FSTL4: variants seen among roughly 807,000 people sequenced by gnomAD.
FSTL4 encodes follistatin-related protein 4.
Under a neutral mutation model 78.2 loss-of-function variants are expected in FSTL4, and 28 were observed. That is an observed-to-expected ratio of 0.36 (90% CI 0.27 to 0.49). The LOEUF (loss-of-function observed/expected upper bound fraction) is 0.49, where lower values mean the gene tolerates loss of function less well. FSTL4 is among the 20% of genes least tolerant of loss of function. FSTL4 has a pLI of 0.98. For synonymous variants in FSTL4, 422 were observed against 440.5 expected (o/e 0.96, Z 0.53); for missense variants, 922 against 1,084.9 (o/e 0.85, Z 2.11).
At chr5:133,300,590 T>A (rs773233023) in intron 6 of FSTL4, among the ~76,000 whole-genome samples, 80 of 152,240 alleles carry the variant, frequency 5.3e-4, no homozygotes, top group Non-Finnish European at 9.4e-4. Flanking sequence ...GTGTCAGCAA[T>A]TTACCGAGGG....
chr5:133,753,585 G>A, the FSTL4 span, among the ~76,000 whole-genome samples: 16 of 152,096 alleles, frequency 1.1e-4, no homozygotes, highest in Non-Finnish European at 2.2e-4. Flanking sequence ...CAGGGGACTG[G>A]ACACATGGTT....
intron 4 of FSTL4, among the ~76,000 whole-genome samples, chr5:133,368,036 T>C (rs1291276139): frequency 6.6e-6 from 1 of 152,276 alleles, no homozygotes; most frequent in East Asian, 1.9e-4. Context: ...AAAGATACCC[T>C]TGTCCAAGGG....
chr5:133,641,265 A>C, the FSTL4 span, among the ~76,000 whole-genome samples: 1 of 151,344 alleles, frequency 6.6e-6, no homozygotes, highest in South Asian at 2.1e-4. Flanking sequence ...CACACACACA[A>C]AAACAAAAAA....
intron 7 of FSTL4, among the ~76,000 whole-genome samples, chr5:133,241,266 C>A (rs1351965659): frequency 6.6e-6 from 1 of 152,202 alleles, no homozygotes; most frequent in Admixed American, 6.5e-5. Flanking sequence ...GTTTTTCCAG[C>A]AAATTGTTGA....
chr5:133,758,457 T>C, the FSTL4 span, among the ~76,000 whole-genome samples: 4 of 152,252 alleles, frequency 2.6e-5, no homozygotes, highest in Non-Finnish European at 5.9e-5. Flanking sequence ...CAAAAGAATA[T>C]TTCAATCTAT....
At chr5:133,359,022 C>T (rs1755009273) in intron 4 of FSTL4, among the ~76,000 whole-genome samples, 1 of 152,166 alleles carries the variant, frequency 6.6e-6, no homozygotes, top group African/African-American at 2.4e-5. Flanking sequence ...ACGGTGGGGT[C>T]TTTCTGTATA....
At chr5:133,643,345 A>G in the FSTL4 span, among the ~76,000 whole-genome samples, 750 of 152,284 alleles carry the variant, frequency 4.9e-3, 1 homozygote, top group Non-Finnish European at 7.4e-3. Flanking sequence ...CGCTGTTATA[A>G]TCATCAAAAA....
chr5:133,462,584 GACA>G (rs1757614347), intron 3 of FSTL4, among the ~76,000 whole-genome samples: 1 of 152,180 alleles, frequency 6.6e-6, no homozygotes, highest in African/African-American at 2.4e-5. Context: ...CCACTTCCAT[GACA>G]ACGATTGGTT....
the FSTL4 span, among the ~76,000 whole-genome samples, chr5:133,652,177 C>T: frequency 6.6e-6 from 1 of 151,754 alleles, no homozygotes; most frequent in African/African-American, 2.4e-5. Flanking sequence ...TTATCACTTT[C>T]ATTAGTTTTT....
the FSTL4 span, among the ~76,000 whole-genome samples, chr5:133,704,675 G>T: frequency 7.9e-5 from 12 of 152,222 alleles, no homozygotes; most frequent in Non-Finnish European, 1.5e-4. Context: ...TCCCCAGCCT[G>T]GGCATGATAA....
the FSTL4 span, among the ~76,000 whole-genome samples, chr5:133,618,086 C>T: frequency 6.6e-6 from 1 of 152,100 alleles, no homozygotes; most frequent in Non-Finnish European, 1.5e-5. Flanking sequence ...AGTACTGCAC[C>T]TGTATATACT....
the FSTL4 span, among the ~76,000 whole-genome samples, chr5:133,838,196 T>A: frequency 5.3e-5 from 8 of 152,238 alleles, no homozygotes. Context: ...CCAAGATTTT[T>A]CTTCTTCCAA....
intron 3 of FSTL4, among the ~76,000 whole-genome samples, chr5:133,425,459 T>C (rs1030701701): frequency 3.3e-5 from 5 of 152,162 alleles, no homozygotes; most frequent in Admixed American, 1.3e-4. Flanking sequence ...TGTGCTGAGA[T>C]ATTAAGAAAG....
At chr5:133,588,116 C>G (rs1406222708) in intron 2 of FSTL4, among the ~76,000 whole-genome samples, 1 of 115,506 alleles carries the variant, frequency 8.7e-6, no homozygotes, top group African/African-American at 2.8e-5. Context: ...CTTCCTTACA[C>G]CTTATACAAA....
chr5:133,638,818 C>T, the FSTL4 span, among the ~76,000 whole-genome samples: 15,336 of 151,704 alleles, frequency 0.1, 839 homozygotes, highest in Admixed American at 0.16. Context: ...TTGTAAATTA[C>T]TTTTTTTTCA....
intron 4 of FSTL4, among the ~76,000 whole-genome samples, chr5:133,340,149 C>T (rs1423751200): frequency 6.6e-6 from 1 of 152,246 alleles, no homozygotes; most frequent in African/African-American, 2.4e-5. Flanking sequence ...TCTCCCTGGG[C>T]CTCATTTCCT....
intron 6 of FSTL4, among the ~76,000 whole-genome samples, chr5:133,256,257 T>G (rs2126829833): frequency 6.6e-6 from 1 of 152,300 alleles, no homozygotes; most frequent in African/African-American, 2.4e-5. Flanking sequence ...CACATTATTC[T>G]CCTTCTAAAT....
intron 6 of FSTL4, among the ~76,000 whole-genome samples, chr5:133,299,044 C>T (rs1753470936): frequency 6.6e-6 from 1 of 152,206 alleles, no homozygotes; most frequent in Admixed American, 6.5e-5. Context: ...TCAAAAGGAA[C>T]AGGTTGGGTG....
At chr5:133,652,628 G>A in the FSTL4 span, among the ~76,000 whole-genome samples, 1 of 152,150 alleles carries the variant, frequency 6.6e-6, no homozygotes, top group Non-Finnish European at 1.5e-5. Flanking sequence ...AGCAGACATT[G>A]TATGATTCCC....
Sources: gnomAD v4.1 joint callset for allele counts (sites outside exome capture counted in the v4.1 genomes callset) on GRCh38, gnomAD v4.1.1 for gene constraint, MANE v1.5 for transcripts, NCBI Gene and HGNC (gene_info 2026-07-23, HGNC 2026-07-21) for gene names.